Variants in MYO15B observed in about 807,000 individuals in gnomAD.
MYO15B encodes myosin XVB.
In MYO15B, 207 loss-of-function variants were observed where a neutral mutation model predicts 119.3. The ratio of observed to expected loss-of-function variants is 1.73; its 90% CI spans 1.55 to 1.95. The LOEUF (loss-of-function observed/expected upper bound fraction) is 1.95, where lower values mean the gene tolerates loss of function less well. Ranked by LOEUF, MYO15B falls within the 30% of genes most tolerant of loss-of-function variation. The pLI is 0.00. For synonymous variants in MYO15B, 966 were observed against 498.9 expected, an observed-to-expected ratio of 1.94 and a Z score of -12.48; for missense variants, 2,264 against 1,203.1, an observed-to-expected ratio of 1.88 and a Z score of -13.04.
intron 44 of MYO15B, 69 bp downstream of exon 44, chr17:75,619,287 G>A: frequency 1.4e-6 from 1 of 702,544 alleles, no homozygotes; most frequent in Non-Finnish European, 2.6e-6. Context: ...GAAGGAGGGA[G>A]CAGCATGGGA....
chr17:75,614,727 G>A (rs1405419071), intron 31 of MYO15B, 44 bp downstream of exon 31: 12 of 702,598 alleles, frequency 1.7e-5, no homozygotes, highest in Non-Finnish European at 2.9e-5. Flanking sequence ...AGCATGGGAA[G>A]CCCCACGCCC....
At chr17:75,595,381 C>G (rs529445585) in intron 12 of MYO15B, among the ~76,000 whole-genome samples, 1 of 152,286 alleles carries the variant, frequency 6.6e-6, no homozygotes, top group East Asian at 1.9e-4. Context: ...GAGCCCACCA[C>G]AAGCCCCAGC....
intron 34 of MYO15B, 77 bp from the exon 35 acceptor site, chr17:75,615,426 T>C (rs2058307009): frequency 3.0e-6 from 2 of 676,492 alleles, no homozygotes; most frequent in African/African-American, 3.5e-5. Flanking sequence ...CTGCTAGGAG[T>C]CCCGAGTGCA....
chr17:75,601,259 G>A lies in MYO15B; in HGVS notation c.3526-179G>A, dbSNP rs185250591. Among the ~76,000 whole-genome samples the A allele has an allele frequency of 1.0e-3, 157 of 152,160 alleles. 1 individual carries two copies. In the Middle Eastern group the frequency reaches 0.014, roughly 13 times the overall value. On this transcript the variant is annotated intron_variant, in intron 14 of 63. Transcript: ENST00000645453. ...TCACTAGGTTGCCCAGGCTGATCTC[G>A]AACTCCTATCCTCAAACGATCCGAC...
intron 41 of MYO15B, 132 bp from the exon 42 acceptor site, chr17:75,617,678 G>A (rs2058460389): frequency 1.7e-6 from 1 of 601,842 alleles, no homozygotes; most frequent in Non-Finnish European, 3.0e-6. Context: ...CATGGAAGGA[G>A]TAAGGCAGCT....
At chr17:75,625,774 G>A (rs182793488) in intron 61 of MYO15B, 70 bp from the exon 62 acceptor site, 1 of 701,076 alleles carries the variant, frequency 1.4e-6, no homozygotes, top group Non-Finnish European at 2.6e-6. Flanking sequence ...AGCTGACCTG[G>A]GGGACCAAGC....
Position 75,595,095 on chromosome 17 carries a change from C to G in MYO15B, c.3297+123C>G, listed in dbSNP as rs952421696. ...CGAGGTGCTTGTCTGTCTGGCAGGG[C>G]GCTTTCAGGGCTCCTTCTGCATCTG... On this transcript the variant is annotated intron_variant, in intron 12 of 63. Coordinates refer to ENST00000645453, the Ensembl canonical transcript of MYO15B. 3.0e-5 allele frequency: 19 copies of G among 627,026 alleles called. 1 individual carries two copies. The South Asian group carries it at 3.5e-4, about 12-fold the overall frequency. The allele number at this position is 627,026 out of a possible 1,614,324, so 38.8% of individuals were successfully genotyped here.
exon 20 of MYO15B, chr17:75,605,616 A>C (rs1161066574): frequency 1.4e-6 from 1 of 702,790 alleles, no homozygotes; most frequent in Non-Finnish European, 2.6e-6. Context: ...CCTTGGAGCC[A>C]CCAAGGTGGG....
At chr17:75,620,528 G>C (rs147113713) in exon 49 of MYO15B, 1 of 702,796 alleles carries the variant, frequency 1.4e-6, no homozygotes, top group African/African-American at 1.7e-5. Flanking sequence ...TAGTGCAGCC[G>C]GCTGCCGCTC....
intron 60 of MYO15B, 36 bp from the exon 61 acceptor site, chr17:75,625,491 G>A (rs2058989067): frequency 2.8e-6 from 2 of 702,588 alleles, no homozygotes; most frequent in Non-Finnish European, 5.2e-6. Flanking sequence ...GTACCAGGTG[G>A]TCAGGGGCCA....
chr17:75,594,704 A>G (rs1019273740), exon 11 of MYO15B: 5 of 702,908 alleles, frequency 7.1e-6, no homozygotes, highest in Admixed American at 4.0e-5. Context: ...CCTCCAGGAG[A>G]CGCCCTATGG....
At chr17:75,600,109 C>T (rs1204855980) in intron 14 of MYO15B, among the ~76,000 whole-genome samples, 1 of 147,306 alleles carries the variant, frequency 6.8e-6, no homozygotes, top group Admixed American at 6.8e-5. Flanking sequence ...CTGCTGCAAA[C>T]TCCGCCTCTC....
intron 21 of MYO15B, among the ~76,000 whole-genome samples, chr17:75,609,020 C>T (rs977645748): frequency 6.6e-6 from 1 of 152,088 alleles, no homozygotes; most frequent in Non-Finnish European, 1.5e-5. Flanking sequence ...GCGTGAGCCA[C>T]CACGCCTGGC....
At position 75,603,185 on chromosome 17, in the gene MYO15B, C is replaced by T. The variant is rs2057397005; in HGVS notation, c.3892-3C>T. 1.4e-6 allele frequency: 1 copy of T among 703,046 alleles called. No individual in the cohort carries two copies. Among genetic ancestry groups the T allele is most frequent in the Admixed American group, 2.0e-5 (1 of 50,004 alleles). The allele number at this position is 703,046 out of a possible 1,614,324, so 43.6% of individuals were successfully genotyped here. Reference sequence around the variant, plus strand: ...TGTCTTTGGCTCTGTCTTGTGGCCACAGCTTCCAGGCCTCTTTGACGTGGG... The same window carrying T: ...TGTCTTTGGCTCTGTCTTGTGGCCATAGCTTCCAGGCCTCTTTGACGTGGG... On this transcript the variant is annotated splice_polypyrimidine_tract_variant and splice_region_variant and intron_variant, in intron 18 of 63. Coordinates refer to ENST00000645453, the Ensembl canonical transcript of MYO15B.
chr17:75,621,611 G>GC (rs2058716830), intron 52 of MYO15B, 41 bp downstream of exon 52: 1 of 691,570 alleles, frequency 1.4e-6, no homozygotes, highest in African/African-American at 1.8e-5. Context: ...TGTCTGCAGT[G>GC]CCATGAACCT....
At chr17:75,588,702 C>G (rs1869575) in exon 1 of MYO15B, 5 of 399,456 alleles carry the variant, frequency 1.3e-5, no homozygotes, top group Non-Finnish European at 2.2e-5. Context: ...ACTGGCCCCA[C>G]GCAGATACCC....
At chr17:75,624,607 A>G (rs1287275591) in exon 58 of MYO15B, 1 of 702,920 alleles carries the variant, frequency 1.4e-6, no homozygotes, top group African/African-American at 1.7e-5. Context: ...CAGGAAGTGC[A>G]GGAATTCGCC....
chr17:75,591,352 G>A (rs1417679632), intron 4 of MYO15B, 106 bp downstream of exon 4: 4 of 655,824 alleles, frequency 6.1e-6, no homozygotes, highest in Non-Finnish European at 1.1e-5. Context: ...TCCACTGCTG[G>A]GCTACAGTTC....
chr17:75,607,086 T>C (rs2057704679), intron 21 of MYO15B: 2 of 397,100 alleles, frequency 5.0e-6, no homozygotes, highest in Non-Finnish European at 8.9e-6. Context: ...GCCAGTGATC[T>C]TCCCAGAGAG....
Sources: gnomAD v4.1 joint callset for allele counts (sites outside exome capture counted in the v4.1 genomes callset) on GRCh38, gnomAD v4.1.1 for gene constraint, MANE v1.5 for transcripts, NCBI Gene and HGNC (gene_info 2026-07-23, HGNC 2026-07-21) for gene names.